The following ADGRB3 variants were observed in gnomAD, a reference collection of about 807,000 sequenced individuals.
ADGRB3 encodes the protein adhesion G protein-coupled receptor B3, also known as brain-specific angiogenesis inhibitor 3.
Under a neutral mutation model 193.4 loss-of-function variants are expected in ADGRB3, and 37 were observed. The ratio of observed to expected loss-of-function variants is 0.19; its 90% confidence interval spans 0.15 to 0.25. The LOEUF is 0.25. Ranked by LOEUF, ADGRB3 falls within the 10% of genes least tolerant of loss-of-function variation. ADGRB3 has a pLI of 1.00. For synonymous variants in ADGRB3, 690 were observed against 644.2 expected (o/e 1.07, Z -1.08); for missense variants, 1,637 against 1,852.9 (o/e 0.88, Z 2.14).
intron 13 of ADGRB3, among the ~76,000 whole-genome samples, chr6:69,040,366 T>C (rs866348563): frequency 0.024 from 1,320 of 54,520 alleles, 10 homozygotes; most frequent in South Asian, 0.051. Flanking sequence ...TCTTTCTTTC[T>C]TTCTTTCTTT....
At chr6:68,825,193 T>A (rs894810885) in intron 3 of ADGRB3, among the ~76,000 whole-genome samples, 1 of 152,130 alleles carries the variant, frequency 6.6e-6, no homozygotes, top group Non-Finnish European at 1.5e-5. Context: ...TGCTTTAATT[T>A]TTTTTTCGTA....
intron 17 of ADGRB3, among the ~76,000 whole-genome samples, chr6:69,145,256 G>A (rs1774454021): frequency 6.6e-6 from 1 of 152,316 alleles, no homozygotes; most frequent in Middle Eastern, 3.4e-3. Flanking sequence ...TGCATAGCCA[G>A]GCATGTTGGC....
intron 3 of ADGRB3, among the ~76,000 whole-genome samples, chr6:68,661,770 A>T (rs1768668384): frequency 6.6e-6 from 1 of 150,796 alleles, no homozygotes; most frequent in African/African-American, 2.4e-5. Context: ...AATAGTTATC[A>T]TGAAGGAGGT....
At chr6:69,043,435 GC>G (rs1352892411) in intron 13 of ADGRB3, among the ~76,000 whole-genome samples, 1 of 152,180 alleles carries the variant, frequency 6.6e-6, no homozygotes, top group Non-Finnish European at 1.5e-5. Flanking sequence ...TGCAGTTCCT[GC>G]CTTTTGTTAT....
At chr6:68,665,307 A>T (rs1434777476) in intron 3 of ADGRB3, among the ~76,000 whole-genome samples, 1 of 151,828 alleles carries the variant, frequency 6.6e-6, no homozygotes, top group Non-Finnish European at 1.5e-5. Flanking sequence ...TCTTTGCTGT[A>T]AATGGATAGT....
intron 20 of ADGRB3, among the ~76,000 whole-genome samples, chr6:69,295,775 T>G (rs567776510): frequency 1.3e-5 from 2 of 152,286 alleles, no homozygotes; most frequent in African/African-American, 4.8e-5. Flanking sequence ...CCATTCTTAA[T>G]GGAGTCAGAG....
chr6:68,984,036 C>T (rs1769003197), intron 10 of ADGRB3, among the ~76,000 whole-genome samples: 1 of 152,142 alleles, frequency 6.6e-6, no homozygotes, highest in African/African-American at 2.4e-5. Flanking sequence ...AAAAGATCTA[C>T]TGGCCAGAGG....
chr6:69,155,641 G>T (rs1254338397), intron 17 of ADGRB3, among the ~76,000 whole-genome samples: 3 of 152,166 alleles, frequency 2.0e-5, no homozygotes, highest in Non-Finnish European at 4.4e-5. Context: ...ATCCCAATCA[G>T]TCAATCTACT....
chr6:68,940,333 A>AT (rs1018324356), intron 5 of ADGRB3, among the ~76,000 whole-genome samples: 2 of 151,744 alleles, frequency 1.3e-5, no homozygotes, highest in Admixed American at 6.6e-5. Context: ...CATCCTGTGT[A>AT]TTTTTTTAAT....
intron 3 of ADGRB3, among the ~76,000 whole-genome samples, chr6:68,819,779 G>T (rs768898844): frequency 1.3e-5 from 2 of 151,946 alleles, no homozygotes; most frequent in Non-Finnish European, 1.5e-5. Flanking sequence ...ATAGATAAAA[G>T]AGTTAAATTA....
chr6:68,851,826 A>G (rs769210495), intron 3 of ADGRB3, among the ~76,000 whole-genome samples: 73 of 151,974 alleles, frequency 4.8e-4, no homozygotes, highest in Non-Finnish European at 8.9e-4. Flanking sequence ...TCAAGTAGGT[A>G]AAATGACTTT....
chr6:69,281,632 C>A (rs1474497481), intron 20 of ADGRB3, among the ~76,000 whole-genome samples: 1 of 152,134 alleles, frequency 6.6e-6, no homozygotes, highest in African/African-American at 2.4e-5. Context: ...AATATGAATC[C>A]CACATGGTAC....
intron 17 of ADGRB3, among the ~76,000 whole-genome samples, chr6:69,198,684 G>A (rs1765349633): frequency 6.6e-6 from 1 of 152,034 alleles, no homozygotes; most frequent in Non-Finnish European, 1.5e-5. Flanking sequence ...AGACAAGTCT[G>A]GAGTGAGTAA....
chr6:69,192,039 TG>T lies in ADGRB3; in HGVS notation c.2481-41250del, dbSNP rs1369620823. ...CTTAATCTTTATCTGTGTGAATATC[TG>T]TGTATTAGTCAGGTTTCTCTAGAGG... On this transcript the variant is annotated intron_variant, in intron 17 of 31. Coordinates refer to ENST00000370598, the MANE Select transcript of ADGRB3 (RefSeq NM_001704.3). Among the ~76,000 whole-genome samples, 11 of 152,258 alleles carry T rather than the reference TG, an allele frequency of 7.2e-5. No homozygotes were observed. In the South Asian group the frequency reaches 1.2e-3, roughly 17 times the overall value.
chr6:68,939,978 T>A (rs1767591148), intron 5 of ADGRB3, among the ~76,000 whole-genome samples: 1 of 152,230 alleles, frequency 6.6e-6, no homozygotes, highest in South Asian at 2.1e-4. Flanking sequence ...TATATTTATT[T>A]GTACTATAAA....
At chr6:69,051,816 A>C (rs1771403151) in intron 15 of ADGRB3, among the ~76,000 whole-genome samples, 1 of 152,210 alleles carries the variant, frequency 6.6e-6, no homozygotes, top group African/African-American at 2.4e-5. Flanking sequence ...GTACTGTATT[A>C]ATTCTTTTAA....
At chr6:68,822,677 A>T (rs1767768510) in intron 3 of ADGRB3, among the ~76,000 whole-genome samples, 1 of 152,076 alleles carries the variant, frequency 6.6e-6, no homozygotes, top group South Asian at 2.1e-4. Context: ...TCAGATTTTT[A>T]AAAATCTTTC....
intron 13 of ADGRB3, among the ~76,000 whole-genome samples, chr6:69,043,627 A>G (rs1331713315): frequency 6.6e-6 from 1 of 152,206 alleles, no homozygotes; most frequent in Non-Finnish European, 1.5e-5. Flanking sequence ...GACAACAGTG[A>G]CATGGGACCA....
intron 3 of ADGRB3, among the ~76,000 whole-genome samples, chr6:68,766,075 TG>T (rs1766503732): frequency 6.6e-6 from 1 of 152,088 alleles, no homozygotes; most frequent in South Asian, 2.1e-4. Context: ...TATATGGTCT[TG>T]CCAGATTTCT....
Sources: allele counts gnomAD v4.1 joint callset (sites outside exome capture counted in the v4.1 genomes callset), GRCh38; gene constraint gnomAD v4.1.1; transcripts MANE v1.5; gene names NCBI Gene and HGNC (gene_info 2026-07-23, HGNC 2026-07-21).